Variants in PLXND1 observed in about 807,000 individuals in gnomAD.
PLXND1 encodes plexin D1.
In PLXND1, 54 loss-of-function variants were observed where a neutral mutation model predicts 197.7. The ratio of observed to expected loss-of-function variants is 0.27; its 90% CI spans 0.22 to 0.34. PLXND1 has a LOEUF of 0.34. PLXND1 is among the 10% of genes least tolerant of loss of function. The pLI is 1.00. For synonymous variants in PLXND1, 1,180 were observed against 1,161.2 expected (o/e 1.02, Z -0.33); for missense variants, 2,127 against 2,699.2 (o/e 0.79, Z 4.70).
chr3:129,561,340 C>A (rs1316338217), intron 29 of PLXND1, among the ~76,000 whole-genome samples: 1 of 152,206 alleles, frequency 6.6e-6, no homozygotes, highest in Non-Finnish European at 1.5e-5. Context: ...GGACATGGCC[C>A]AAGGCTGAGA....
At position 129,574,487 on chromosome 3, in the gene PLXND1, A is replaced by G. The variant is rs921600171; in HGVS notation, c.2534T>C (p.Met845Thr). Residue 845 changes from methionine to threonine, a missense_variant, in exon 12 of 36, where the codon ATG becomes ACG. By Grantham distance (81) the Met-to-Thr change is moderately conservative. Transcript: ENST00000324093. ...GCTGCCCATGGCACAGTTATAGACC[A>G]TGACTGGGGAGACACGGGGCAGCTC... ...FLDSPEPMTVMVYNCAMGSPD... is the reference protein window; with the variant it reads ...FLDSPEPMTVTVYNCAMGSPD... 9 of 1,612,106 alleles carry G rather than the reference A, an allele frequency of 5.6e-6. No individual in the cohort carries two copies. In the Admixed American group the frequency reaches 6.7e-5, roughly 12 times the overall value.
intron 20 of PLXND1, among the ~76,000 whole-genome samples, chr3:129,568,154 T>TG (rs902763819): frequency 9.2e-5 from 14 of 151,948 alleles, no homozygotes; most frequent in African/African-American, 3.4e-4. Flanking sequence ...CTTTCCTGGG[T>TG]GGGAGGATTC....
At position 129,556,246 on chromosome 3, in the gene PLXND1, G is replaced by T; in HGVS notation, c.*66C>A. 1 of 1,053,574 alleles carries T rather than the reference G, an allele frequency of 9.5e-7. No individual in the cohort carries two copies. The highest frequency in any genetic ancestry group is 1.5e-6 in the Non-Finnish European group (1 of 674,864). 65.3% of individuals were successfully genotyped at this position (1,053,574 alleles called of 1,614,324 possible). Reference sequence around the variant, plus strand: ...TCTGAGTCACAGGCACGGGGTAGAAGATCAAGTTGAGGCCCAGTGGGCGTC... The same window carrying T: ...TCTGAGTCACAGGCACGGGGTAGAATATCAAGTTGAGGCCCAGTGGGCGTC... On this transcript the variant is annotated 3_prime_UTR_variant, in exon 36 of 36. Coordinates refer to ENST00000324093, the MANE Select transcript of PLXND1 (RefSeq NM_015103.3).
chr3:129,597,384 TCAAA>T (rs2085640857), intron 1 of PLXND1, among the ~76,000 whole-genome samples: 1 of 152,152 alleles, frequency 6.6e-6, no homozygotes, highest in Non-Finnish European at 1.5e-5. Flanking sequence ...CTCAGTCACC[TCAAA>T]CAAAGATAGC....
chr3:129,571,602 G>T lies in PLXND1; in HGVS notation c.3246-3C>A, dbSNP rs565662355. The T allele has an allele frequency of 1.9e-6, 3 of 1,613,902 alleles. No homozygotes were observed. On this transcript the variant is annotated splice_region_variant and splice_polypyrimidine_tract_variant and intron_variant, in intron 16 of 35. Transcript: ENST00000324093. The stretch of plus-strand genomic sequence containing the variant: ...CCACTGTGATGGTCCTGCCGCCACT[G>T]CGGGGGACAGCAAAACCTATCAGTG...
chr3:129,584,611 C>T, intron 5 of PLXND1, 49 bp from the exon 6 acceptor site: 1 of 1,533,010 alleles, frequency 6.5e-7, no homozygotes, highest in African/African-American at 1.4e-5. Flanking sequence ...ATGCTCCTCA[C>T]AGCCTGCCCC....
chr3:129,592,818 C>A (rs541600222), intron 1 of PLXND1, among the ~76,000 whole-genome samples: 75 of 152,334 alleles, frequency 4.9e-4, no homozygotes, highest in African/African-American at 1.7e-3. Flanking sequence ...GGGGAAATCA[C>A]AAGGCAAACC....
At chr3:129,605,278 C>G (rs1576287920) in intron 1 of PLXND1, 51 bp downstream of exon 1, 2 of 736,876 alleles carry the variant, frequency 2.7e-6, no homozygotes, top group Non-Finnish European at 3.7e-6. Flanking sequence ...CGCCCCCGCC[C>G]CCGCCCCCGC....
At chr3:129,573,771 G>A (rs111775109) in intron 12 of PLXND1, 26 bp from the exon 13 acceptor site, 45 of 1,608,230 alleles carry the variant, frequency 2.8e-5, no homozygotes, top group South Asian at 6.7e-5. Context: ...AGAGAGGGGC[G>A]AATGGGATCT....
chr3:129,593,590 G>A (rs1323868280), intron 1 of PLXND1, among the ~76,000 whole-genome samples: 2 of 152,220 alleles, frequency 1.3e-5, no homozygotes. Flanking sequence ...CCTGTGCTCT[G>A]GAGGGAATGT....
At chr3:129,560,646 C>T in intron 30 of PLXND1, 43 bp downstream of exon 30, 1 of 1,465,436 alleles carries the variant, frequency 6.8e-7, no homozygotes, top group Non-Finnish European at 9.6e-7. Context: ...AGGCCACACC[C>T]ACTGAGGGGC....
chr3:129,564,408 G>C (rs1008955815), intron 25 of PLXND1, among the ~76,000 whole-genome samples: 1 of 152,268 alleles, frequency 6.6e-6, no homozygotes. Flanking sequence ...CACTTTGGGA[G>C]GCCAAAGCGG....
At chr3:129,589,651 C>T (rs1412929994) in intron 1 of PLXND1, 124 bp from the exon 2 acceptor site, 15 of 827,764 alleles carry the variant, frequency 1.8e-5, no homozygotes, top group East Asian at 2.7e-5. Flanking sequence ...ACTTTATATC[C>T]TCAGTGCTCA....
chr3:129,605,842 C>T lies in PLXND1; in HGVS notation c.798G>A (p.Lys266=). Residue 266 remains lysine (K), a synonymous_variant, in exon 1 of 36, where the codon AAG becomes AAA. Coordinates refer to ENST00000324093, the MANE Select transcript of PLXND1 (RefSeq NM_015103.3). The part of the protein sequence containing the change: ...DLNPSDDNIL[K]IKQGAKEQHK... ...GCTGCTCCTTGGCGCCCTGCTTGATCTTGAGGATGTTGTCGTCGGAGGGGT... is the reference window on the plus strand; with the variant it reads ...GCTGCTCCTTGGCGCCCTGCTTGATTTTGAGGATGTTGTCGTCGGAGGGGT... 2 of 1,613,164 alleles carry T rather than the reference C, an allele frequency of 1.2e-6. No individual in the cohort carries two copies. Among genetic ancestry groups the T allele is most frequent in the South Asian group, 2.2e-5 (2 of 91,034 alleles).
intron 1 of PLXND1, among the ~76,000 whole-genome samples, chr3:129,593,950 C>A (rs2085583380): frequency 6.6e-6 from 1 of 152,212 alleles, no homozygotes; most frequent in Non-Finnish European, 1.5e-5. Context: ...CATTAAAACT[C>A]TGACATATTG....
At chr3:129,574,259 A>C in intron 12 of PLXND1, 77 bp downstream of exon 12, 1 of 1,372,224 alleles carries the variant, frequency 7.3e-7, no homozygotes, top group Admixed American at 2.6e-5. Flanking sequence ...GGTCCCCAAG[A>C]AGTGGGACCC....
chr3:129,565,954 T>C lies in PLXND1; in HGVS notation c.4255A>G (p.Asn1419Asp). Residue 1419 changes from asparagine (N) to aspartate (D), a missense_variant, in exon 24 of 36, where the codon AAC becomes GAC. Asn to Asp is a conservative substitution (Grantham distance 23). This residue lies in a region of PLXND1 where 532 missense variants were observed against 811.0 expected (regional missense o/e 0.66). Transcript: ENST00000324093. ...GISLFSSLLN[N>D]KHFLIVFVHA... is the part of the protein sequence containing the mutation. ...ACAAAGACGATGAGGAAGTGCTTGTTGTTGAGTAGTGAGGAGAACAAGCTA... is the reference window on the plus strand; with the variant it reads ...ACAAAGACGATGAGGAAGTGCTTGTCGTTGAGTAGTGAGGAGAACAAGCTA... 6.2e-7 allele frequency: 1 copy of C among 1,614,178 alleles called. No individual in the cohort carries two copies. Among genetic ancestry groups the C allele is most frequent in the Non-Finnish European group, 8.5e-7 (1 of 1,180,014 alleles).
rs369453626 is a variant in PLXND1 at position 129,572,998 on chromosome 3, G to C, written c.2838-57C>G. The C allele has an allele frequency of 5.7e-5, 72 of 1,254,496 alleles. No individual in the cohort carries two copies. In the African/African-American group the frequency reaches 9.5e-4, roughly 17 times the overall value. The allele number at this position is 1,254,496 out of a possible 1,614,324, so 77.7% of individuals were successfully genotyped here. A position where few individuals can be genotyped will look rare whatever the true frequency, so the allele number is the denominator to read the frequency against. On this transcript the variant is annotated intron_variant, in intron 13 of 35. Transcript: ENST00000324093. ...CCTTGGCCCCCACGGCCACCCTAGA[G>C]CCAGGCTCAGGGATCGCCCCATTCC... is the stretch of plus-strand genomic sequence containing the variant.
chr3:129,587,291 G>C (rs1047452232), intron 2 of PLXND1, among the ~76,000 whole-genome samples: 1 of 152,202 alleles, frequency 6.6e-6, no homozygotes, highest in Non-Finnish European at 1.5e-5. Context: ...GAGGCACAAA[G>C]TGAAGAGATC....
Sources: allele counts gnomAD v4.1 joint callset (sites outside exome capture counted in the v4.1 genomes callset), GRCh38; gene constraint gnomAD v4.1.1; regional missense constraint gnomAD v4.1.1; transcripts MANE v1.5; gene names NCBI Gene and HGNC (gene_info 2026-07-23, HGNC 2026-07-21).